The following AUTS2 variants were observed in gnomAD, a reference collection of about 807,000 sequenced individuals.
The protein encoded by AUTS2 is activator of transcription and developmental regulator AUTS2.
In AUTS2, 17 loss-of-function variants were observed where a neutral mutation model predicts 112.4. The ratio of observed to expected loss-of-function variants is 0.15; its 90% CI spans 0.10 to 0.23. The LOEUF (loss-of-function observed/expected upper bound fraction) is 0.23, where lower values mean the gene tolerates loss of function less well. Ranked by LOEUF, AUTS2 falls within the 10% of genes least tolerant of loss-of-function variation. The pLI, the probability that AUTS2 is intolerant of heterozygous loss-of-function variation, is 1.00. For missense variants in AUTS2, 1,510 were observed against 1,701.6 expected (o/e 0.89, Z 1.98); for synonymous variants, 751 against 702.7 (o/e 1.07, Z -1.09).
chr7:69,868,364 T>C (rs1385333873), intron 1 of AUTS2, among the ~76,000 whole-genome samples: 2 of 152,180 alleles, frequency 1.3e-5, no homozygotes, highest in African/African-American at 4.8e-5. Context: ...GTTGAAGTAT[T>C]CAACAATTTT....
chr7:70,100,999 T>C (rs1452114809), intron 2 of AUTS2, among the ~76,000 whole-genome samples: 1 of 152,106 alleles, frequency 6.6e-6, no homozygotes, highest in Non-Finnish European at 1.5e-5. Context: ...TGCCTCTGCC[T>C]CCCGAGTAGC....
At chr7:69,782,531 C>G (rs1444552305) in intron 1 of AUTS2, among the ~76,000 whole-genome samples, 1 of 151,936 alleles carries the variant, frequency 6.6e-6, no homozygotes, top group Non-Finnish European at 1.5e-5. Flanking sequence ...AATTATTTGC[C>G]TTACAAATGT....
chr7:69,934,667 C>T (rs1796343281), intron 2 of AUTS2, among the ~76,000 whole-genome samples: 1 of 152,162 alleles, frequency 6.6e-6, no homozygotes, highest in African/African-American at 2.4e-5. Context: ...TGGCATGGTG[C>T]CTGCTGTGTA....
intron 4 of AUTS2, among the ~76,000 whole-genome samples, chr7:70,265,549 G>A (rs1029943181): frequency 1.3e-5 from 2 of 152,146 alleles, no homozygotes; most frequent in Admixed American, 1.3e-4. Flanking sequence ...CCAGTGAGAA[G>A]CCAAATGGGA....
intron 4 of AUTS2, among the ~76,000 whole-genome samples, chr7:70,260,513 G>A (rs1447407623): frequency 1.3e-5 from 2 of 152,080 alleles, no homozygotes; most frequent in African/African-American, 4.8e-5. Context: ...CAGCTCCAAG[G>A]CAGCACAGGG....
chr7:70,613,033 G>C (rs138586642), intron 5 of AUTS2, among the ~76,000 whole-genome samples: 1 of 152,142 alleles, frequency 6.6e-6, no homozygotes, highest in East Asian at 1.9e-4. Context: ...TTTCTTCTTC[G>C]CTTGGGTGCA....
At chr7:70,483,494 C>T (rs868380879) in intron 5 of AUTS2, among the ~76,000 whole-genome samples, 1 of 152,266 alleles carries the variant, frequency 6.6e-6, no homozygotes, top group African/African-American at 2.4e-5. Context: ...TCCTGATTTT[C>T]GAAGTGAAGG....
chr7:69,885,078 T>C (rs1411179501), intron 1 of AUTS2, among the ~76,000 whole-genome samples: 3 of 152,208 alleles, frequency 2.0e-5, no homozygotes. Context: ...GTCATAGCTG[T>C]GTGAACAAGC....
chr7:70,376,842 A>T (rs1344504665), intron 4 of AUTS2, among the ~76,000 whole-genome samples: 1 of 151,618 alleles, frequency 6.6e-6, no homozygotes, highest in Admixed American at 6.6e-5. Context: ...TGAAGCTGTC[A>T]GTCACTAAGT....
chr7:70,048,083 T>A (rs185769942), intron 2 of AUTS2, among the ~76,000 whole-genome samples: 1 of 152,298 alleles, frequency 6.6e-6, no homozygotes, highest in Non-Finnish European at 1.5e-5. Flanking sequence ...TATAAAATAA[T>A]AAGCCTCTCC....
At chr7:70,495,646 C>T (rs1425784528) in intron 5 of AUTS2, among the ~76,000 whole-genome samples, 2 of 142,656 alleles carry the variant, frequency 1.4e-5, no homozygotes, top group Admixed American at 7.1e-5. Context: ...CACATGCACA[C>T]GTCACATCAG....
intron 1 of AUTS2, among the ~76,000 whole-genome samples, chr7:69,833,388 G>A (rs548479538): frequency 6.6e-6 from 1 of 152,184 alleles, no homozygotes; most frequent in Admixed American, 6.5e-5. Flanking sequence ...AATCGTATCT[G>A]AACTACATAT....
At chr7:69,907,106 C>G (rs1235054753) in intron 2 of AUTS2, among the ~76,000 whole-genome samples, 1 of 152,112 alleles carries the variant, frequency 6.6e-6, no homozygotes, top group Non-Finnish European at 1.5e-5. Flanking sequence ...GGTCCTGTCT[C>G]CAAAAAAGAA....
chr7:69,657,112 G>C (rs1221972034), intron 1 of AUTS2, among the ~76,000 whole-genome samples: 3 of 152,080 alleles, frequency 2.0e-5, no homozygotes, highest in East Asian at 1.9e-4. Context: ...CTTGGCTCCC[G>C]GCTCCTTCAG....
At chr7:70,579,461 T>TA (rs895997757) in intron 5 of AUTS2, among the ~76,000 whole-genome samples, 38 of 151,712 alleles carry the variant, frequency 2.5e-4, no homozygotes, top group Admixed American at 1.7e-3. Context: ...AATTTGCTAA[T>TA]AAAAAAAATG....
At chr7:69,870,448 A>AATATATATATATGTATATATAT (rs56728110) in intron 1 of AUTS2, among the ~76,000 whole-genome samples, 5 of 78,970 alleles carry the variant, frequency 6.3e-5, no homozygotes, top group African/African-American at 2.2e-4. Flanking sequence ...ATGTGTGTGT[A>AATATATATATATGTATATATAT]ATATATATAT....
intron 5 of AUTS2, among the ~76,000 whole-genome samples, chr7:70,465,543 A>G (rs2115714423): frequency 6.6e-6 from 1 of 152,322 alleles, no homozygotes; most frequent in East Asian, 1.9e-4. Context: ...TAACTGGTGG[A>G]AATTTGCAGG....
Position 70,422,267 on chromosome 7 carries a change from A to G in AUTS2, c.661-13485A>G, listed in dbSNP as rs78663437. ...AAGAAATCTGGTTGGTGAGAAGTTG[A>G]TAATGTGGCCATTATGTCTTAGCAA... On this transcript the variant is annotated intron_variant, in intron 4 of 18. Transcript: ENST00000342771. 1.6e-4 allele frequency among the ~76,000 whole-genome samples: 24 copies of G among 152,332 alleles called. No homozygotes were observed. The East Asian group carries it at 4.6e-3, about 29-fold the overall frequency.
intron 1 of AUTS2, among the ~76,000 whole-genome samples, chr7:69,819,433 TG>T (rs1486181152): frequency 6.6e-6 from 1 of 152,166 alleles, no homozygotes; most frequent in African/African-American, 2.4e-5. Flanking sequence ...AAACATTTCT[TG>T]GGGAAGTTTT....
Sources: allele counts gnomAD v4.1 joint callset (sites outside exome capture counted in the v4.1 genomes callset), GRCh38; gene constraint gnomAD v4.1.1; transcripts MANE v1.5; gene names NCBI Gene and HGNC (gene_info 2026-07-23, HGNC 2026-07-21).